The following CNTNAP2 variants were observed in gnomAD, a reference collection of about 807,000 sequenced individuals.
CNTNAP2 encodes the protein contactin associated protein 2, also known as contactin-associated protein-like 2.
A neutral mutation model predicts 155.2 loss-of-function variants in CNTNAP2; 98 were observed. The observed-to-expected ratio is 0.63, with a 90% CI of 0.54 to 0.75. The LOEUF is 0.75. CNTNAP2 is among the 30% of genes least tolerant of loss of function. CNTNAP2 has a pLI of 0.00. For synonymous variants in CNTNAP2, 651 were observed against 631.2 expected, an observed-to-expected ratio of 1.03 and a Z score of -0.47; for missense variants, 1,727 against 1,688.1, an observed-to-expected ratio of 1.02 and a Z score of -0.40.
chr7:147,595,073 C>T (rs1800803355), intron 12 of CNTNAP2, among the ~76,000 whole-genome samples: 1 of 152,034 alleles, frequency 6.6e-6, no homozygotes, highest in Non-Finnish European at 1.5e-5. Flanking sequence ...TGCTTGGTGC[C>T]CAAATCCAGA....
chr7:146,822,488 A>C (rs892967399), intron 2 of CNTNAP2, among the ~76,000 whole-genome samples: 12 of 144,438 alleles, frequency 8.3e-5, no homozygotes, highest in Non-Finnish European at 1.7e-4. Flanking sequence ...ACAAAAATTT[A>C]AAAAAAAAAA....
chr7:148,282,942 C>T (rs56196223), intron 21 of CNTNAP2, among the ~76,000 whole-genome samples: 103,959 of 151,828 alleles, frequency 0.68, 35,986 homozygotes, highest in South Asian at 0.81. Flanking sequence ...CATTTGAAAG[C>T]CAAAATTCTA....
intron 14 of CNTNAP2, among the ~76,000 whole-genome samples, chr7:147,911,906 C>T (rs551095465): frequency 3.9e-5 from 6 of 152,280 alleles, no homozygotes; most frequent in South Asian, 2.1e-4. Context: ...AACGCTGCTA[C>T]GAGCACGGTG....
chr7:146,270,963 A>C (rs1800073098), intron 1 of CNTNAP2, among the ~76,000 whole-genome samples: 1 of 152,174 alleles, frequency 6.6e-6, no homozygotes. Flanking sequence ...AAATTAAATT[A>C]AGTGAAAAAA....
chr7:147,383,514 G>A (rs1796574420), intron 9 of CNTNAP2, among the ~76,000 whole-genome samples: 1 of 152,008 alleles, frequency 6.6e-6, no homozygotes, highest in Admixed American at 6.6e-5. Flanking sequence ...TGTCTTTATA[G>A]TAGGAACAGA....
chr7:148,373,434 G>A (rs535964361), intron 21 of CNTNAP2, among the ~76,000 whole-genome samples: 10 of 152,258 alleles, frequency 6.6e-5, no homozygotes, highest in East Asian at 3.9e-4. Flanking sequence ...CAGCCTGGAC[G>A]ACAGAGCGAG....
At chr7:146,818,472 TAACTTA>T in intron 2 of CNTNAP2, among the ~76,000 whole-genome samples, 1 of 152,288 alleles carries the variant, frequency 6.6e-6, no homozygotes, top group South Asian at 2.1e-4. Flanking sequence ...CATTTGACAA[TAACTTA>T]AGATTGGTAT....
At chr7:146,932,553 T>A (rs1219872471) in intron 3 of CNTNAP2, among the ~76,000 whole-genome samples, 3 of 152,060 alleles carry the variant, frequency 2.0e-5, no homozygotes, top group Non-Finnish European at 4.4e-5. Flanking sequence ...CTCTCACCAC[T>A]CCTATTCAAC....
intron 1 of CNTNAP2, among the ~76,000 whole-genome samples, chr7:146,641,331 A>C (rs1051374557): frequency 6.6e-6 from 1 of 152,242 alleles, no homozygotes; most frequent in Middle Eastern, 3.2e-3. Context: ...GTCTCAAAAA[A>C]ATAAATAAAA....
chr7:146,930,211 G>A (rs917826451), intron 3 of CNTNAP2, among the ~76,000 whole-genome samples: 2 of 152,154 alleles, frequency 1.3e-5, no homozygotes, highest in African/African-American at 4.8e-5. Context: ...ACCCTCAAAG[G>A]GAAGCCCATC....
chr7:147,004,999 C>T (rs1007195211), intron 3 of CNTNAP2, among the ~76,000 whole-genome samples: 2 of 151,964 alleles, frequency 1.3e-5, no homozygotes, highest in African/African-American at 4.8e-5. Context: ...GTGACTTATT[C>T]CAAAATCAGA....
intron 8 of CNTNAP2, among the ~76,000 whole-genome samples, chr7:147,293,596 A>T (rs1457019354): frequency 6.6e-6 from 1 of 152,152 alleles, no homozygotes; most frequent in Non-Finnish European, 1.5e-5. Context: ...CAGTCACTGT[A>T]ATTTTACTTG....
At chr7:147,130,714 C>T (rs923947289) in intron 7 of CNTNAP2, among the ~76,000 whole-genome samples, 1 of 152,050 alleles carries the variant, frequency 6.6e-6, no homozygotes, top group Non-Finnish European at 1.5e-5. Context: ...GTGAAATTGA[C>T]TGAGCACTCA....
chr7:146,133,678 C>T (rs1797752318), intron 1 of CNTNAP2, among the ~76,000 whole-genome samples: 1 of 152,248 alleles, frequency 6.6e-6, no homozygotes, highest in Non-Finnish European at 1.5e-5. Flanking sequence ...GGAATCCTTT[C>T]CCCATTGCTT....
Position 147,764,768 on chromosome 7 carries a change from T to G in CNTNAP2, c.2098+125462T>G, listed in dbSNP as rs117094516. Among the ~76,000 whole-genome samples the G allele has an allele frequency of 3.9e-5, 6 of 152,248 alleles. No homozygotes were observed. In the East Asian group the frequency reaches 9.6e-4, roughly 24 times the overall value. On this transcript the variant is annotated intron_variant, in intron 13 of 23. Transcript: ENST00000361727. ...AGAGTAAATCACAACACCTACAAGA[T>G]GTTTTATGACTAAGTTAATTTTTTT...
intron 3 of CNTNAP2, among the ~76,000 whole-genome samples, chr7:146,906,566 T>C (rs1468991974): frequency 1.1e-4 from 16 of 151,884 alleles, no homozygotes; most frequent in Non-Finnish European, 1.5e-4. Context: ...CAGCAGGGTA[T>C]TCCAACAGAC....
chr7:147,461,247 T>G (rs1798018526), intron 10 of CNTNAP2, among the ~76,000 whole-genome samples: 1 of 152,208 alleles, frequency 6.6e-6, no homozygotes, highest in African/African-American at 2.4e-5. Flanking sequence ...TTTCAGTAAT[T>G]AGGTTTGGAA....
chr7:147,680,692 A>G (rs1443497865), intron 13 of CNTNAP2, among the ~76,000 whole-genome samples: 2 of 151,910 alleles, frequency 1.3e-5, no homozygotes, highest in African/African-American at 4.8e-5. Context: ...AAATTTAAGC[A>G]AGCAGACATA....
chr7:147,769,106 A>C (rs2116532253), intron 13 of CNTNAP2, among the ~76,000 whole-genome samples: 1 of 152,236 alleles, frequency 6.6e-6, no homozygotes, highest in East Asian at 1.9e-4. Context: ...ATTAGCAAAA[A>C]TTTAATTAGC....
Sources: allele counts gnomAD v4.1 joint callset (sites outside exome capture counted in the v4.1 genomes callset), GRCh38; gene constraint gnomAD v4.1.1; transcripts MANE v1.5; gene names NCBI Gene and HGNC (gene_info 2026-07-23, HGNC 2026-07-21).